GYPB: variants seen among roughly 807,000 people sequenced by gnomAD.
GYPB encodes glycophorin-B.
A neutral mutation model predicts 15.3 loss-of-function variants in GYPB; 13 were observed. The observed-to-expected ratio is 0.85, with a 90% CI of 0.55 to 1.35. GYPB has a LOEUF of 1.35. GYPB is among the 40% of genes most tolerant of loss of function. The probability of loss-of-function intolerance (pLI) is 0.00; values close to 1 mark genes in which losing one functional copy is unlikely to be tolerated. For synonymous variants in GYPB, 38 were observed against 36.9 expected (o/e 1.03, Z -0.11); for missense variants, 131 against 108.3 (o/e 1.21, Z -0.93).
In GYPB at chr4:143,996,243, A is replaced by C; in HGVS notation, c.*56T>G. 5.8e-6 allele frequency: 9 copies of C among 1,550,350 alleles called. No individual in the cohort carries two copies. The highest frequency in any genetic ancestry group is 7.0e-6 in the Non-Finnish European group (8 of 1,146,750). ...GGTGCAGCCAGTTTGCATAAACAAGAGAACAGCAGGTGCAGCCGGTTCTAG... is the reference window on the plus strand; with the variant it reads ...GGTGCAGCCAGTTTGCATAAACAAGCGAACAGCAGGTGCAGCCGGTTCTAG... On this transcript the variant is annotated 3_prime_UTR_variant, in exon 5 of 5. Coordinates refer to ENST00000502664, the MANE Select transcript of GYPB (RefSeq NM_002100.6).
intron 1 of GYPB, among the ~76,000 whole-genome samples, chr4:144,013,044 G>A (rs900103070): frequency 6.6e-6 from 1 of 151,574 alleles, no homozygotes; most frequent in Admixed American, 6.6e-5. Context: ...TTTGCAAATA[G>A]TATATCTGAT....
chr4:143,995,414 A>G (rs1248672510), downstream of GYPB, among the ~76,000 whole-genome samples: 1 of 151,258 alleles, frequency 6.6e-6, no homozygotes, highest in African/African-American at 2.5e-5. Flanking sequence ...GAGACCTCAG[A>G]CACTCCTTCT....
At chr4:144,013,604 T>A (rs1011161057) in intron 1 of GYPB, among the ~76,000 whole-genome samples, 1 of 151,026 alleles carries the variant, frequency 6.6e-6, no homozygotes, top group African/African-American at 2.5e-5. Context: ...AAATGATGAG[T>A]TCATGTCCTT....
intron 1 of GYPB, among the ~76,000 whole-genome samples, 185 bp from the exon 2 acceptor site, chr4:144,001,468 A>T (rs1040958353): frequency 3.3e-5 from 5 of 151,526 alleles, no homozygotes; most frequent in Non-Finnish European, 7.3e-5. Context: ...GCCTTATTTT[A>T]AAATTAAGGG....
intron 1 of GYPB, among the ~76,000 whole-genome samples, chr4:144,004,218 G>C (rs926473347): frequency 6.6e-6 from 1 of 151,798 alleles, no homozygotes; most frequent in East Asian, 1.9e-4. Flanking sequence ...ACATATAAAT[G>C]CCCTAAAGAT....
chr4:144,001,018 T>A (rs879191591), intron 2 of GYPB, among the ~76,000 whole-genome samples, 167 bp downstream of exon 2: 3 of 151,496 alleles, frequency 2.0e-5, no homozygotes, highest in Admixed American at 6.5e-5. Flanking sequence ...TTTCAGAGGC[T>A]AGAATTCCTC....
chr4:143,996,605 T>TA (rs1727324686), intron 4 of GYPB, among the ~76,000 whole-genome samples: 1 of 150,310 alleles, frequency 6.7e-6, no homozygotes, highest in South Asian at 2.1e-4. Flanking sequence ...TCTCTGCTAT[T>TA]AAAAAAATAC....
At chr4:144,018,381 C>T (rs576534074) in intron 1 of GYPB, among the ~76,000 whole-genome samples, 1 of 151,102 alleles carries the variant, frequency 6.6e-6, no homozygotes, top group East Asian at 1.9e-4. Flanking sequence ...ATCTCTCTTC[C>T]CTGTATGCTA....
Position 143,996,168 on chromosome 4 carries a change from A to G in GYPB, c.*131T>C. On this transcript the variant is annotated 3_prime_UTR_variant, in exon 5 of 5. Transcript: ENST00000502664. ...GAATACAGTAATAGTGAGGCAGGAG[A>G]ACAGGGAATTAGGATAGCCAGGGGT... is the stretch of plus-strand genomic sequence containing the variant. 1 of 1,528,188 alleles carries G rather than the reference A, an allele frequency of 6.5e-7. No homozygotes were observed. Among genetic ancestry groups the G allele is most frequent in the South Asian group, 1.2e-5 (1 of 82,208 alleles). 94.7% of individuals were successfully genotyped at this position (1,528,188 alleles called of 1,614,324 possible). A position where few individuals can be genotyped will look rare whatever the true frequency, so the allele number is the denominator to read the frequency against.
intron 1 of GYPB, among the ~76,000 whole-genome samples, chr4:144,018,231 G>C (rs1175338486): frequency 6.6e-6 from 1 of 151,356 alleles, no homozygotes; most frequent in Non-Finnish European, 1.5e-5. Context: ...ACATAAAAAT[G>C]TGGGCCCTTA....
chr4:144,005,090 C>T (rs1298113205), intron 1 of GYPB, among the ~76,000 whole-genome samples: 1 of 151,954 alleles, frequency 6.6e-6, no homozygotes, highest in Admixed American at 6.5e-5. Context: ...TGTGTCATTC[C>T]TAGATTAAAG....
chr4:144,015,055 G>A (rs1381179946), intron 1 of GYPB, among the ~76,000 whole-genome samples: 3 of 151,270 alleles, frequency 2.0e-5, no homozygotes, highest in African/African-American at 7.4e-5. Context: ...CTTAATAAAT[G>A]TCACAAATAG....
intron 1 of GYPB, among the ~76,000 whole-genome samples, chr4:144,013,506 C>G (rs906513301): frequency 8.6e-5 from 13 of 151,206 alleles, no homozygotes; most frequent in African/African-American, 2.5e-4. Context: ...ATAGCAGAGA[C>G]TTGGAACCAA....
rs972437598 is a variant in GYPB at position 144,010,727 on chromosome 4, G to A, written c.37+8524C>T. Among the ~76,000 whole-genome samples, 143 of 151,338 alleles carry A rather than the reference G, an allele frequency of 9.4e-4. 1 individual carries two copies. The highest frequency in any genetic ancestry group is 1.8e-3 in the Non-Finnish European group (122 of 68,024). ...CATACCTGAAATGCACTCACGGCCCGCACAAGCCATTGACCAGTGGCTCAT... is the reference window on the plus strand; with the variant it reads ...CATACCTGAAATGCACTCACGGCCCACACAAGCCATTGACCAGTGGCTCAT... On this transcript the variant is annotated intron_variant, in intron 1 of 4. Transcript: ENST00000502664.
Position 144,000,886 on chromosome 4 carries a change from C to T in GYPB, c.136+299G>A, listed in dbSNP as rs74876612. On this transcript the variant is annotated intron_variant, in intron 2 of 4. Transcript: ENST00000502664. The stretch of plus-strand genomic sequence containing the variant: ...GAACTCATTTTGCCCACAGACCCTC[C>T]GCACCACCGCACTATTAGGTCCCCT... Among the ~76,000 whole-genome samples, 512 of 151,304 alleles carry T rather than the reference C, an allele frequency of 3.4e-3. 23 individuals carry two copies. The East Asian group carries it at 0.056, about 16-fold the overall frequency.
intron 1 of GYPB, 107 bp from the exon 2 acceptor site, chr4:144,001,390 C>A (rs1485224203): frequency 1.8e-5 from 29 of 1,579,430 alleles, no homozygotes; most frequent in Non-Finnish European, 2.2e-5. Flanking sequence ...AGTCCCTGAG[C>A]TAAGCGCTTT....
intron 1 of GYPB, among the ~76,000 whole-genome samples, chr4:144,010,222 G>C (rs1375648218): frequency 1.3e-5 from 2 of 151,278 alleles, no homozygotes; most frequent in East Asian, 3.9e-4. Context: ...CCAGTGCTTT[G>C]GGAGGCCAAG....
chr4:144,015,289 T>G (rs557597206), intron 1 of GYPB, among the ~76,000 whole-genome samples: 2 of 151,286 alleles, frequency 1.3e-5, no homozygotes, highest in African/African-American at 2.5e-5. Context: ...TTTTTCAAGA[T>G]TTTTGCTTTA....
chr4:144,015,825 T>C (rs1728458754), intron 1 of GYPB, among the ~76,000 whole-genome samples: 1 of 151,176 alleles, frequency 6.6e-6, no homozygotes, highest in African/African-American at 2.5e-5. Flanking sequence ...GGTTTACAGA[T>C]GAAAAATGAT....
Sources: allele counts gnomAD v4.1 joint callset (sites outside exome capture counted in the v4.1 genomes callset), GRCh38; gene constraint gnomAD v4.1.1; transcripts MANE v1.5; gene names NCBI Gene and HGNC (gene_info 2026-07-23, HGNC 2026-07-21).